RNF212B: variants seen among roughly 807,000 people sequenced by gnomAD.
RNF212B encodes E3 ubiquitin-protein ligase RNF212B.
Under a neutral mutation model 55.5 loss-of-function variants are expected in RNF212B, and 52 were observed. The ratio of observed to expected loss-of-function variants is 0.94; its 90% CI spans 0.75 to 1.18. The LOEUF (loss-of-function observed/expected upper bound fraction) is 1.18, where lower values mean the gene tolerates loss of function less well. Among genes scored for constraint, RNF212B ranks in the 50% most tolerant of loss-of-function variants. The pLI, the probability that RNF212B is intolerant of heterozygous loss-of-function variation, is 0.00. For synonymous variants in RNF212B, 99 were observed against 121.4 expected, an observed-to-expected ratio of 0.82 and a Z score of 1.21; for missense variants, 289 against 350.4, an observed-to-expected ratio of 0.82 and a Z score of 1.40.
At chr14:23,250,698 A>G (rs774731251) in intron 4 of RNF212B, among the ~76,000 whole-genome samples, 2 of 152,196 alleles carry the variant, frequency 1.3e-5, no homozygotes, top group Non-Finnish European at 2.9e-5. Context: ...GATTGAGGAC[A>G]TGCGCCTCAG....
At chr14:23,261,064 C>A (rs557658146) in intron 7 of RNF212B, among the ~76,000 whole-genome samples, 6 of 152,210 alleles carry the variant, frequency 3.9e-5, no homozygotes, top group Non-Finnish European at 8.8e-5. Context: ...GACGCGTCTA[C>A]CTTACTGCTG....
Position 23,196,738 on chromosome 14 carries a change from G to A in RNF212B, c.-2+3337G>A, listed in dbSNP as rs1878753293. 2.0e-5 allele frequency among the ~76,000 whole-genome samples: 3 copies of A among 152,140 alleles called. 1 individual carries two copies. In the South Asian group the frequency reaches 6.2e-4, roughly 32 times the overall value. ...ATTACAGGCATGAGCCACTGTTCTA[G>A]GGCCCAAAGGGCTTTTTTTGTGTCC... On this transcript the variant is annotated intron_variant, in intron 2 of 15. Coordinates refer to the RNF212B transcript ENST00000399910.
intron 2 of RNF212B, among the ~76,000 whole-genome samples, chr14:23,217,841 A>G (rs1039011975): frequency 6.6e-6 from 1 of 152,048 alleles, no homozygotes; most frequent in Non-Finnish European, 1.5e-5. Context: ...GAACATCTAC[A>G]AGCATCAACA....
chr14:23,258,710 T>TCC, intron 5 of RNF212B, 46 bp downstream of exon 5: 1 of 849,096 alleles, frequency 1.2e-6, no homozygotes. Flanking sequence ...TTTTTTTTTT[T>TCC]TTCTAAGAAG....
At chr14:23,260,595 T>G in intron 6 of RNF212B, 64 bp from the exon 7 acceptor site, 1 of 1,467,558 alleles carries the variant, frequency 6.8e-7, no homozygotes. Flanking sequence ...CAAGTAAGAC[T>G]GAAGATCTGT....
chr14:23,203,708 C>T (rs918636700), intron 2 of RNF212B, among the ~76,000 whole-genome samples: 1 of 152,076 alleles, frequency 6.6e-6, no homozygotes, highest in African/African-American at 2.4e-5. Context: ...GAACTCCTGA[C>T]CTCATGTGAT....
intron 2 of RNF212B, among the ~76,000 whole-genome samples, chr14:23,220,831 C>CA (rs1440275648): frequency 6.7e-6 from 1 of 150,236 alleles, no homozygotes; most frequent in Non-Finnish European, 1.5e-5. Flanking sequence ...TCAAAAAAAA[C>CA]AAAACAAAAC....
chr14:23,263,026 T>C, intron 9 of RNF212B, 56 bp downstream of exon 9: 1 of 1,420,386 alleles, frequency 7.0e-7, no homozygotes, highest in Non-Finnish European at 9.7e-7. Flanking sequence ...ATAGAAGAAA[T>C]ATCTAGTTGT....
intron 4 of RNF212B, among the ~76,000 whole-genome samples, chr14:23,248,737 G>A (rs747887116): frequency 1.3e-5 from 2 of 151,026 alleles, no homozygotes; most frequent in Non-Finnish European, 3.0e-5. Context: ...ATCACGCCCG[G>A]CCCCCAAGCC....
At position 23,240,401 on chromosome 14, in the gene RNF212B, TC is replaced by T; in HGVS notation, c.57del (p.Thr20ProfsTer12). 1 of 1,550,506 alleles carries T rather than the reference TC, an allele frequency of 6.4e-7. No homozygotes were observed. Among genetic ancestry groups the T allele is most frequent in the African/African-American group, 1.4e-5 (1 of 73,184 alleles). On this transcript the variant is annotated frameshift_variant, in exon 2 of 15. Coordinates refer to ENST00000430154, the MANE Select transcript of RNF212B (RefSeq NM_001282322.3). LOFTEE classifies it high-confidence loss of function. ...CFRKDGAHFF[V>X]TSCGHIFCKK... is the part of the protein sequence containing the mutation. ...CGAAAAGATGGGGCCCATTTCTTTG[TC>T]ACCAGCTGTGGCCATATTTTCTGTA...
upstream of RNF212B, among the ~76,000 whole-genome samples, chr14:23,234,158 T>C (rs1251337916): frequency 1.3e-5 from 2 of 151,988 alleles, no homozygotes; most frequent in Non-Finnish European, 2.9e-5. Flanking sequence ...ACTGTTGGTC[T>C]CTTTTTTTTT....
At chr14:23,187,285 G>GCTGCTTGT (rs1187081977) in intron 1 of RNF212B, among the ~76,000 whole-genome samples, 1 of 152,162 alleles carries the variant, frequency 6.6e-6, no homozygotes, top group Non-Finnish European at 1.5e-5. Context: ...CTTGGGACAT[G>GCTGCTTGT]CTGCTTGTGA....
At chr14:23,251,125 G>A (rs899446667) in intron 4 of RNF212B, among the ~76,000 whole-genome samples, 1 of 152,078 alleles carries the variant, frequency 6.6e-6, no homozygotes, top group East Asian at 1.9e-4. Context: ...TATGCCTGAC[G>A]TAAAGTGTTC....
intron 1 of RNF212B, among the ~76,000 whole-genome samples, chr14:23,190,337 T>C (rs1048106444): frequency 1.3e-5 from 2 of 152,242 alleles, no homozygotes. Context: ...GGGTGTTTAA[T>C]AGGCACCTCT....
At chr14:23,256,670 C>A (rs1018362453) in intron 4 of RNF212B, among the ~76,000 whole-genome samples, 4 of 152,100 alleles carry the variant, frequency 2.6e-5, no homozygotes, top group African/African-American at 4.8e-5. Flanking sequence ...CCACGCCTGG[C>A]CTCCTCTATT....
At chr14:23,222,177 A>G (rs912807647) in intron 2 of RNF212B, among the ~76,000 whole-genome samples, 2 of 152,094 alleles carry the variant, frequency 1.3e-5, no homozygotes, top group East Asian at 3.8e-4. Flanking sequence ...AGAAAACAAT[A>G]CAACAGGTCA....
intron 9 of RNF212B, 28 bp from the exon 10 acceptor site, chr14:23,264,146 T>A: frequency 6.6e-7 from 1 of 1,513,744 alleles, no homozygotes; most frequent in Non-Finnish European, 8.9e-7. Context: ...TTTTTGCCTT[T>A]TTTTTCTTTT....
At chr14:23,221,449 G>C (rs377553934) in intron 2 of RNF212B, among the ~76,000 whole-genome samples, 3 of 152,164 alleles carry the variant, frequency 2.0e-5, no homozygotes, top group Non-Finnish European at 1.5e-5. Flanking sequence ...TGTAACAATT[G>C]TAAGTATATA....
chr14:23,187,831 T>TCA (rs1877742413), intron 1 of RNF212B, among the ~76,000 whole-genome samples: 1 of 152,130 alleles, frequency 6.6e-6, no homozygotes, highest in Admixed American at 6.5e-5. Context: ...GTCCCAGGGA[T>TCA]CACTGCCTAT....
Sources: gnomAD v4.1 joint callset for allele counts (sites outside exome capture counted in the v4.1 genomes callset) on GRCh38, gnomAD v4.1.1 for gene constraint, MANE v1.5 for transcripts, NCBI Gene and HGNC (gene_info 2026-07-23, HGNC 2026-07-21) for gene names.